Variants in SGO2 observed in about 807,000 individuals in gnomAD.
SGO2 encodes shugoshin-like 2.
Under a neutral mutation model 99.5 loss-of-function variants are expected in SGO2, and 68 were observed. The ratio of observed to expected loss-of-function variants is 0.68; its 90% CI spans 0.56 to 0.84. SGO2 has a LOEUF of 0.84. SGO2 is among the 40% of genes least tolerant of loss of function. The pLI is 0.00. For synonymous variants in SGO2, 457 were observed against 487.1 expected, an observed-to-expected ratio of 0.94 and a Z score of 0.81; for missense variants, 1,350 against 1,436.7, an observed-to-expected ratio of 0.94 and a Z score of 0.97.
At chr2:200,549,811 GA>G (rs1376685782) in intron 5 of SGO2, among the ~76,000 whole-genome samples, 1 of 152,144 alleles carries the variant, frequency 6.6e-6, no homozygotes, top group Non-Finnish European at 1.5e-5. Flanking sequence ...TTGAAGACTG[GA>G]ACAAGACAAG....
At chr2:200,557,802 G>A (rs2032777347) in intron 5 of SGO2, among the ~76,000 whole-genome samples, 1 of 145,014 alleles carries the variant, frequency 6.9e-6, no homozygotes, top group Non-Finnish European at 1.5e-5. Flanking sequence ...TCTTTTATTT[G>A]TTTGTTTGTT....
At chr2:200,539,628 A>T (rs62279325) in intron 4 of SGO2, among the ~76,000 whole-genome samples, 3,213 of 151,652 alleles carry the variant, frequency 0.021, 61 homozygotes, top group Non-Finnish European at 0.029. Flanking sequence ...CAATACTTTC[A>T]ATTTTTTAAA....
chr2:200,530,672 A>G (rs953055080), intron 1 of SGO2, among the ~76,000 whole-genome samples: 1 of 152,216 alleles, frequency 6.6e-6, no homozygotes, highest in African/African-American at 2.4e-5. Flanking sequence ...GTAGGTAGGT[A>G]GGTAGGAAAA....
chr2:200,567,618 AC>A (rs72270182), intron 5 of SGO2, among the ~76,000 whole-genome samples: 2,285 of 151,768 alleles, frequency 0.015, 68 homozygotes, highest in African/African-American at 0.052. Flanking sequence ...TCCATTCTCC[AC>A]CCCCCTAGCC....
intron 8 of SGO2, among the ~76,000 whole-genome samples, chr2:200,582,350 G>A (rs901500170): frequency 5.3e-5 from 8 of 152,066 alleles, no homozygotes; most frequent in Admixed American, 3.9e-4. Flanking sequence ...AGGGACAGAA[G>A]ACAAATCCTA....
chr2:200,579,629 T>C (rs1246753341), intron 8 of SGO2, among the ~76,000 whole-genome samples: 1 of 152,196 alleles, frequency 6.6e-6, no homozygotes. Context: ...ATATACTTCA[T>C]TTACTTACAT....
At chr2:200,545,520 G>T (rs1488628363) in intron 5 of SGO2, among the ~76,000 whole-genome samples, 2 of 151,980 alleles carry the variant, frequency 1.3e-5, no homozygotes, top group Admixed American at 1.3e-4. Flanking sequence ...AGATAAGCTG[G>T]CTTCTCTTGC....
chr2:200,531,006 A>C (rs2031348227), intron 1 of SGO2, among the ~76,000 whole-genome samples: 1 of 152,192 alleles, frequency 6.6e-6, no homozygotes, highest in South Asian at 2.1e-4. Flanking sequence ...AGGGTTCTTT[A>C]AGGTGAGGAA....
At chr2:200,546,778 G>A (rs2032237377) in intron 5 of SGO2, among the ~76,000 whole-genome samples, 1 of 152,106 alleles carries the variant, frequency 6.6e-6, no homozygotes, top group African/African-American at 2.4e-5. Context: ...GAACCAAGCA[G>A]AGGAAAGAAT....
At position 200,572,489 on chromosome 2, in the gene SGO2, A is replaced by G; in HGVS notation, c.2143A>G (p.Lys715Glu). 1.2e-6 allele frequency: 2 copies of G among 1,613,116 alleles called. No individual in the cohort carries two copies. Among genetic ancestry groups the G allele is most frequent in the Non-Finnish European group, 1.7e-6 (2 of 1,179,366 alleles). Residue 715 changes from lysine to glutamate, a missense_variant, in exon 7 of 9, where the codon AAA becomes GAA. By Grantham distance (56) the Lys-to-Glu change is moderately conservative. Coordinates refer to ENST00000357799, the MANE Select transcript of SGO2 (RefSeq NM_152524.6). ...AAAAGTTAATAAGAAGCTTAGGCAGAAAGTAAATCGGAAGACAGAAATAAT... is the reference window on the plus strand; with the variant it reads ...AAAAGTTAATAAGAAGCTTAGGCAGGAAGTAAATCGGAAGACAGAAATAAT... Reference protein sequence around the residue: ...ESKVNKKLRQKVNRKTEIISE... With the variant: ...ESKVNKKLRQEVNRKTEIISE...
intron 8 of SGO2, among the ~76,000 whole-genome samples, chr2:200,579,179 A>G (rs138812528): frequency 1.6e-4 from 25 of 152,268 alleles, no homozygotes; most frequent in East Asian, 1.2e-3. Flanking sequence ...CTGATGCCCA[A>G]TGTTGTTCGT....
chr2:200,582,861 G>T (rs2033885296), intron 8 of SGO2, among the ~76,000 whole-genome samples: 1 of 152,108 alleles, frequency 6.6e-6, no homozygotes, highest in Non-Finnish European at 1.5e-5. Flanking sequence ...TGAAGATGTT[G>T]AGTGGAAAAA....
chr2:200,556,935 C>T (rs1007375677), intron 5 of SGO2, among the ~76,000 whole-genome samples: 1 of 152,116 alleles, frequency 6.6e-6, no homozygotes, highest in Admixed American at 6.5e-5. Flanking sequence ...GAGAAAGACC[C>T]ACTCATTGCA....
At chr2:200,550,555 A>G (rs1285709794) in intron 5 of SGO2, among the ~76,000 whole-genome samples, 1 of 152,042 alleles carries the variant, frequency 6.6e-6, no homozygotes, top group African/African-American at 2.4e-5. Flanking sequence ...TTTACAACCA[A>G]CTCATCTTCT....
intron 1 of SGO2, among the ~76,000 whole-genome samples, chr2:200,527,319 A>G (rs1469546956): frequency 6.6e-6 from 1 of 152,160 alleles, no homozygotes; most frequent in African/African-American, 2.4e-5. Context: ...TAGTAAAGTG[A>G]GATTTGATAT....
chr2:200,529,741 T>C (rs2031280957), intron 1 of SGO2, among the ~76,000 whole-genome samples: 1 of 152,166 alleles, frequency 6.6e-6, no homozygotes, highest in South Asian at 2.1e-4. Flanking sequence ...TTGGCTGGGC[T>C]GGTCTCGAAC....
intron 5 of SGO2, among the ~76,000 whole-genome samples, chr2:200,561,486 C>A (rs2032964507): frequency 6.6e-6 from 1 of 152,140 alleles, no homozygotes; most frequent in Non-Finnish European, 1.5e-5. Flanking sequence ...GGTTCCAAGT[C>A]TTTGCTATTG....
At chr2:200,578,368 A>G (rs1017700365) in intron 8 of SGO2, among the ~76,000 whole-genome samples, 4 of 152,138 alleles carry the variant, frequency 2.6e-5, no homozygotes, top group African/African-American at 9.7e-5. Flanking sequence ...ATGTTCCAGT[A>G]TGTCATAGTG....
chr2:200,535,826 A>ATGTG (rs199684122), intron 3 of SGO2, among the ~76,000 whole-genome samples: 1 of 151,302 alleles, frequency 6.6e-6, no homozygotes, highest in African/African-American at 2.4e-5. Context: ...TATTCAACAT[A>ATGTG]TGTGTGTGTG....
Sources: allele counts gnomAD v4.1 joint callset (sites outside exome capture counted in the v4.1 genomes callset), GRCh38; gene constraint gnomAD v4.1.1; transcripts MANE v1.5; gene names NCBI Gene and HGNC (gene_info 2026-07-23, HGNC 2026-07-21).